NUMB: variants seen among roughly 807,000 people sequenced by gnomAD.
NUMB encodes the protein NUMB endocytic adaptor protein, also known as protein numb homolog.
In NUMB, 29 loss-of-function variants were observed where a neutral mutation model predicts 59.7. The ratio of observed to expected loss-of-function variants is 0.49; its 90% CI spans 0.36 to 0.66. The LOEUF (loss-of-function observed/expected upper bound fraction) is 0.66, where lower values mean the gene tolerates loss of function less well. NUMB is among the 30% of genes least tolerant of loss of function. NUMB has a pLI of 0.00. For missense variants in NUMB, 723 were observed against 822.0 expected (o/e 0.88, Z 1.47); for synonymous variants, 288 against 288.2 (o/e 1.00, Z 0.01).
rs200391578 is a variant in NUMB at position 73,316,447 on chromosome 14, A to G, written c.202-25T>C. The G allele has an allele frequency of 5.3e-5, 85 of 1,611,892 alleles. 2 individuals carry two copies. The highest frequency in any genetic ancestry group is 5.9e-6 in the Non-Finnish European group (7 of 1,178,312). ...CCTGGAGGAACAGGGGGACAAGTCG[A>G]GTGCTATTATTGTATGGCCTAAATG... On this transcript the variant is annotated intron_variant, in intron 5 of 12. Coordinates refer to ENST00000555238, the MANE Select transcript of NUMB (RefSeq NM_001005743.2).
chr14:73,302,102 A>T (rs889759860), intron 6 of NUMB, among the ~76,000 whole-genome samples: 4 of 152,114 alleles, frequency 2.6e-5, no homozygotes, highest in Non-Finnish European at 5.9e-5. Context: ...AAAAAATAAA[A>T]AAAATTGTGC....
chr14:73,456,461 C>T (rs1325414494), intron 1 of NUMB, among the ~76,000 whole-genome samples: 3 of 151,880 alleles, frequency 2.0e-5, no homozygotes, highest in Non-Finnish European at 4.4e-5. Context: ...GCCAGGAACT[C>T]AAAAAAAGAA....
At chr14:73,347,873 C>T (rs1268551003) in intron 4 of NUMB, among the ~76,000 whole-genome samples, 4 of 152,168 alleles carry the variant, frequency 2.6e-5, no homozygotes, top group Non-Finnish European at 4.4e-5. Flanking sequence ...AATTTATGTA[C>T]GGTCAGTCCG....
chr14:73,343,414 T>C (rs1355674933), intron 4 of NUMB, among the ~76,000 whole-genome samples: 1 of 152,190 alleles, frequency 6.6e-6, no homozygotes, highest in African/African-American at 2.4e-5. Flanking sequence ...AGAATAAATA[T>C]GATATAGTAA....
chr14:73,430,514 G>A (rs1231516290), intron 1 of NUMB, among the ~76,000 whole-genome samples: 2 of 152,036 alleles, frequency 1.3e-5, no homozygotes, highest in Non-Finnish European at 2.9e-5. Context: ...CATGCCTGCA[G>A]TCCCAGCCAC....
At chr14:73,315,821 G>T (rs1466915916) in intron 6 of NUMB, among the ~76,000 whole-genome samples, 1 of 152,120 alleles carries the variant, frequency 6.6e-6, no homozygotes, top group Non-Finnish European at 1.5e-5. Context: ...AAGATCAAAT[G>T]ATATTTATTT....
rs538164329 is a variant in NUMB, at chr14:73,422,631, T to C, written c.-232-12563A>G. ...GAGGGCCTCGGGAAGCTTACAATCA[T>C]AGTGGAAGGCCAAGTGGGAGGAGGC... On this transcript the variant is annotated intron_variant, in intron 1 of 12. Transcript: ENST00000555238. Among the ~76,000 whole-genome samples, 5 of 151,832 alleles carry C rather than the reference T, an allele frequency of 3.3e-5. No individual in the cohort carries two copies. In the South Asian group the frequency reaches 1.0e-3, roughly 32 times the overall value.
Position 73,284,008 on chromosome 14 carries a change from A to G in NUMB, c.949+73T>C, listed in dbSNP as rs1326578230. 35 of 1,339,242 alleles carry G rather than the reference A, an allele frequency of 2.6e-5. No homozygotes were observed. The South Asian group carries it at 3.5e-4, about 14-fold the overall frequency. The allele number at this position is 1,339,242 out of a possible 1,614,324, so 83.0% of individuals were successfully genotyped here. On this transcript the variant is annotated intron_variant, in intron 10 of 12. Coordinates refer to ENST00000555238, the MANE Select transcript of NUMB (RefSeq NM_001005743.2). ...GAGGAATGCCTAGTTTAATGGGATT[A>G]GTGTCTTCATGGGAAGTGATGAGAA...
chr14:73,346,297 T>A (rs1209514472), intron 4 of NUMB, among the ~76,000 whole-genome samples: 1 of 151,984 alleles, frequency 6.6e-6, no homozygotes, highest in African/African-American at 2.4e-5. Context: ...TTGACCAACA[T>A]GGAGAAACCC....
chr14:73,405,730 T>C (rs557861336), intron 2 of NUMB, among the ~76,000 whole-genome samples: 17 of 152,168 alleles, frequency 1.1e-4, no homozygotes, highest in African/African-American at 3.9e-4. Context: ...AGGGAACCTT[T>C]CTCTCCATCC....
At chr14:73,353,407 A>T (rs1291793177) in intron 4 of NUMB, among the ~76,000 whole-genome samples, 2 of 150,916 alleles carry the variant, frequency 1.3e-5, no homozygotes, top group Non-Finnish European at 2.9e-5. Flanking sequence ...TCTTTAACCA[A>T]TTCCAGAATG....
chr14:73,441,331 T>G (rs922008323), intron 1 of NUMB, among the ~76,000 whole-genome samples: 3 of 151,948 alleles, frequency 2.0e-5, no homozygotes, highest in Non-Finnish European at 4.4e-5. Flanking sequence ...AGGCAGATCA[T>G]GAGATCAGGA....
intron 1 of NUMB, among the ~76,000 whole-genome samples, chr14:73,421,175 TG>T (rs960488885): frequency 6.6e-6 from 1 of 151,630 alleles, no homozygotes; most frequent in Non-Finnish European, 1.5e-5. Context: ...TTTTTTTTGG[TG>T]TTTTTGTTTG....
At position 73,279,450 on chromosome 14, in the gene NUMB, T is replaced by C. The variant is rs199798818; in HGVS notation, c.1097-26A>G. ...CTACAACGGGAGCAGACAACATCAA[T>C]GGAGTTAATTCATGCAGGGTGTACA... On this transcript the variant is annotated intron_variant, in intron 11 of 12. Coordinates refer to ENST00000555238, the MANE Select transcript of NUMB (RefSeq NM_001005743.2). 7 of 1,551,902 alleles carry C rather than the reference T, an allele frequency of 4.5e-6. No individual in the cohort carries two copies. The Admixed American group carries it at 1.2e-4, about 26-fold the overall frequency.
At chr14:73,335,302 C>G (rs200596074) in intron 4 of NUMB, among the ~76,000 whole-genome samples, 2 of 100,236 alleles carry the variant, frequency 2.0e-5, no homozygotes, top group African/African-American at 3.8e-5. Flanking sequence ...GCCAAAAAGA[C>G]AAAAAAAAAA....
At chr14:73,311,695 T>C (rs989789336) in intron 6 of NUMB, among the ~76,000 whole-genome samples, 28 of 152,234 alleles carry the variant, frequency 1.8e-4, no homozygotes, top group African/African-American at 6.8e-4. Flanking sequence ...TGTTGTTCTA[T>C]TTATCCTGGA....
intron 2 of NUMB, chr14:73,409,717 T>C (rs1469183987): frequency 6.6e-6 from 1 of 152,210 alleles, no homozygotes; most frequent in Admixed American, 6.6e-5. Flanking sequence ...AGAAAAACAA[T>C]TTTAATTATT....
At chr14:73,380,794 C>T (rs991864687) in intron 2 of NUMB, among the ~76,000 whole-genome samples, 6 of 150,640 alleles carry the variant, frequency 4.0e-5, no homozygotes, top group East Asian at 3.9e-4. Context: ...GCACGATCTC[C>T]GCTCACTGCA....
chr14:73,348,562 A>G (rs1244904696), intron 4 of NUMB, among the ~76,000 whole-genome samples: 1 of 152,198 alleles, frequency 6.6e-6, no homozygotes, highest in African/African-American at 2.4e-5. Flanking sequence ...CGCGAACTCT[A>G]TTGTGAACTA....
Sources: allele counts gnomAD v4.1 joint callset (sites outside exome capture counted in the v4.1 genomes callset), GRCh38; gene constraint gnomAD v4.1.1; transcripts MANE v1.5; gene names NCBI Gene and HGNC (gene_info 2026-07-23, HGNC 2026-07-21).